The following PRKAG2 variants were observed in gnomAD, a reference collection of about 807,000 sequenced individuals.
PRKAG2 encodes 5'-AMP-activated protein kinase subunit gamma-2.
A neutral mutation model predicts 69.6 loss-of-function variants in PRKAG2; 26 were observed. The ratio of observed to expected loss-of-function variants is 0.37; its 90% CI spans 0.27 to 0.52. The LOEUF is 0.52. Among genes scored for constraint, PRKAG2 ranks in the 20% least tolerant of loss-of-function variants. The probability of loss-of-function intolerance (pLI) is 0.90; values close to 1 mark genes in which losing one functional copy is unlikely to be tolerated. For synonymous variants in PRKAG2, 293 were observed against 285.0 expected, an observed-to-expected ratio of 1.03 and a Z score of -0.28; for missense variants, 557 against 740.0, an observed-to-expected ratio of 0.75 and a Z score of 2.87.
rs190278393 is a variant in PRKAG2, at chr7:151,804,541, G to T, written c.115-18000C>A. Among the ~76,000 whole-genome samples, 878 of 152,162 alleles carry T rather than the reference G, an allele frequency of 5.8e-3. 3 individuals carry two copies. The highest frequency in any genetic ancestry group is 0.019 in the African/African-American group (801 of 41,502). On this transcript the variant is annotated intron_variant, in intron 1 of 15. Transcript: ENST00000287878. Reference sequence around the variant, plus strand: ...GGAATTACAATTCAAGAGGAGATTTGGGTGGGGACACGGATGTCACCACGA... The same window carrying T: ...GGAATTACAATTCAAGAGGAGATTTTGGTGGGGACACGGATGTCACCACGA...
At chr7:151,653,706 G>C (rs552990173) in intron 4 of PRKAG2, among the ~76,000 whole-genome samples, 1 of 152,264 alleles carries the variant, frequency 6.6e-6, no homozygotes, top group African/African-American at 2.4e-5. Flanking sequence ...GCCAAGCATG[G>C]TGACGGATGC....
intron 3 of PRKAG2, chr7:151,736,226 T>C (rs1799778057): frequency 7.2e-7 from 1 of 1,387,082 alleles, no homozygotes; most frequent in South Asian, 1.6e-5. Flanking sequence ...CGCCAGGGAG[T>C]GGAGCCGTCC....
At chr7:151,725,479 G>A (rs917288741) in intron 3 of PRKAG2, among the ~76,000 whole-genome samples, 3 of 151,642 alleles carry the variant, frequency 2.0e-5, no homozygotes, top group African/African-American at 4.8e-5. Flanking sequence ...AGCCACGTGC[G>A]TGTACTTAAT....
intron 3 of PRKAG2, among the ~76,000 whole-genome samples, chr7:151,683,456 C>T (rs1054573281): frequency 2.6e-5 from 4 of 152,146 alleles, no homozygotes; most frequent in Admixed American, 6.5e-5. Context: ...TGGTGCAATC[C>T]GGCCCCTCCA....
chr7:151,870,263 T>TAGTACCC (rs2080191108), intron 1 of PRKAG2, among the ~76,000 whole-genome samples: 1 of 152,082 alleles, frequency 6.6e-6, no homozygotes. Flanking sequence ...AAGCTATTAA[T>TAGTACCC]AGTACCCAGT....
chr7:151,661,110 A>G (rs1563367012), intron 4 of PRKAG2, among the ~76,000 whole-genome samples: 1 of 152,224 alleles, frequency 6.6e-6, no homozygotes, highest in Non-Finnish European at 1.5e-5. Flanking sequence ...GCTTAATCAG[A>G]CCGAACCACC....
intron 5 of PRKAG2, among the ~76,000 whole-genome samples, chr7:151,612,357 T>TG (rs1248368199): frequency 6.6e-6 from 1 of 152,146 alleles, no homozygotes; most frequent in Non-Finnish European, 1.5e-5. Context: ...GTTTATGCCT[T>TG]GCTAGAGAGC....
intron 1 of PRKAG2, among the ~76,000 whole-genome samples, chr7:151,869,473 G>A (rs1276506865): frequency 6.6e-6 from 1 of 152,206 alleles, no homozygotes; most frequent in Non-Finnish European, 1.5e-5. Flanking sequence ...TCTCAGCTGG[G>A]CATTTGTGAA....
intron 1 of PRKAG2, among the ~76,000 whole-genome samples, chr7:151,848,017 G>A (rs1325449746): frequency 6.6e-6 from 1 of 152,200 alleles, no homozygotes; most frequent in Admixed American, 6.5e-5. Context: ...AAGAGTGCCC[G>A]TGGCCCAGCG....
At chr7:151,761,335 C>T (rs2075401191) in intron 3 of PRKAG2, among the ~76,000 whole-genome samples, 1 of 152,142 alleles carries the variant, frequency 6.6e-6, no homozygotes, top group Non-Finnish European at 1.5e-5. Flanking sequence ...GCCATTGTCC[C>T]GAGGTCACAA....
chr7:151,749,782 C>A (rs2074540393), intron 3 of PRKAG2, among the ~76,000 whole-genome samples: 3 of 134,898 alleles, frequency 2.2e-5, no homozygotes, highest in South Asian at 4.9e-4. Context: ...AGGACAACCA[C>A]ACTGAAAAAA....
intron 3 of PRKAG2, among the ~76,000 whole-genome samples, chr7:151,726,109 A>T (rs1024835171): frequency 6.6e-6 from 1 of 152,082 alleles, no homozygotes; most frequent in African/African-American, 2.4e-5. Flanking sequence ...TGCTATCTTC[A>T]TGGTGTGTCC....
At chr7:151,639,488 G>A (rs1479440484) in intron 4 of PRKAG2, among the ~76,000 whole-genome samples, 1 of 152,184 alleles carries the variant, frequency 6.6e-6, no homozygotes, top group Admixed American at 6.5e-5. Context: ...TGGGTCAGTG[G>A]ACTGAGTGGG....
chr7:151,861,491 G>A lies in PRKAG2; in HGVS notation c.114+15016C>T, dbSNP rs566752552. On this transcript the variant is annotated intron_variant, in intron 1 of 15. Coordinates refer to ENST00000287878, the MANE Select transcript of PRKAG2 (RefSeq NM_016203.4). Reference sequence around the variant, plus strand: ...TGCAGTGAGCCAAGATGGTGTCACTGCATTCCAGCCTGGGTGACAGAATAA... The same window carrying A: ...TGCAGTGAGCCAAGATGGTGTCACTACATTCCAGCCTGGGTGACAGAATAA... Among the ~76,000 whole-genome samples the A allele has an allele frequency of 1.0e-3, 138 of 132,534 alleles. 4 individuals carry two copies. The highest frequency in any genetic ancestry group is 8.0e-3 in the Admixed American group (90 of 11,278). 86.9% of individuals were successfully genotyped at this position (132,534 alleles called of 152,430 possible). A position where few individuals can be genotyped will look rare whatever the true frequency, so the allele number is the denominator to read the frequency against.
intron 3 of PRKAG2, among the ~76,000 whole-genome samples, chr7:151,712,896 C>G (rs950850796): frequency 6.6e-6 from 1 of 151,272 alleles, no homozygotes; most frequent in Non-Finnish European, 1.5e-5. Context: ...TTTTCCATCA[C>G]TCATTTTGGG....
chr7:151,580,004 A>T (rs1288112566), intron 6 of PRKAG2, among the ~76,000 whole-genome samples: 3 of 152,212 alleles, frequency 2.0e-5, no homozygotes, highest in Non-Finnish European at 4.4e-5. Flanking sequence ...GGTTTTTTGG[A>T]TTAAAAAAGC....
rs918563929 is a variant in PRKAG2, at chr7:151,876,482, C to A, written c.114+25G>T. 1.9e-6 allele frequency: 3 copies of A among 1,590,416 alleles called. No homozygotes were observed. The Admixed American group carries it at 5.0e-5, about 27-fold the overall frequency. ...CGGGAGCGACAGGAGGGCTGGGGAG[C>A]AGGGGACCGAGTGCTGGGACTCACC... On this transcript the variant is annotated intron_variant, in intron 1 of 15. Coordinates refer to ENST00000287878, the MANE Select transcript of PRKAG2 (RefSeq NM_016203.4).
At chr7:151,858,978 C>A (rs1328754829) in intron 1 of PRKAG2, among the ~76,000 whole-genome samples, 5 of 152,288 alleles carry the variant, frequency 3.3e-5, no homozygotes, top group African/African-American at 1.2e-4. Context: ...GACAGCAGGT[C>A]CAGCCCCATC....
In PRKAG2 at chr7:151,814,796, G is replaced by C. The variant is rs1000606924; in HGVS notation, c.115-28255C>G. The C allele has an allele frequency of 2.4e-6, 3 of 1,231,830 alleles. No individual in the cohort carries two copies. Among genetic ancestry groups the C allele is most frequent in the Non-Finnish European group, 3.0e-6 (3 of 988,020 alleles). The allele number at this position is 1,231,830 out of a possible 1,614,324, so 76.3% of individuals were successfully genotyped here. A position where few individuals can be genotyped will look rare whatever the true frequency, so the allele number is the denominator to read the frequency against. Reference sequence around the variant, plus strand: ...GCTGCTCAAAATGCAGGCAGAGCTCGGGCAGATTCCCCCATTGACGGGACT... The same window carrying C: ...GCTGCTCAAAATGCAGGCAGAGCTCCGGCAGATTCCCCCATTGACGGGACT... On this transcript the variant is annotated intron_variant, in intron 1 of 15. Transcript: ENST00000287878. The surrounding 1 kb of genome is among the most constrained non-coding windows in gnomAD (Gnocchi z 4.8).
Sources: gnomAD v4.1 joint callset for allele counts (sites outside exome capture counted in the v4.1 genomes callset) on GRCh38, gnomAD v4.1.1 for gene constraint, Gnocchi (gnomAD v3.1) non-coding constraint, MANE v1.5 for transcripts, NCBI Gene and HGNC (gene_info 2026-07-23, HGNC 2026-07-21) for gene names.